The following CDH1 variants were observed in gnomAD, a reference collection of about 807,000 sequenced individuals.
The protein encoded by CDH1 is cadherin 1, also known as cadherin-1.
In CDH1, 35 loss-of-function variants were observed where a neutral mutation model predicts 84.5. The observed-to-expected ratio is 0.41, with a 90% CI of 0.32 to 0.55. The LOEUF is 0.55. CDH1 is among the 20% of genes least tolerant of loss of function. The pLI is 0.19. For synonymous variants in CDH1, 417 were observed against 439.0 expected (o/e 0.95, Z 0.63); for missense variants, 994 against 1,126.6 (o/e 0.88, Z 1.68).
chr16:68,801,584 C>T (rs1220391340), intron 2 of CDH1, 86 bp from the exon 3 acceptor site: 1 of 1,101,932 alleles, frequency 9.1e-7, no homozygotes, highest in East Asian at 2.3e-5. Context: ...TTGTGGGAGT[C>T]TTCCCACAAG....
chr16:68,801,648 C>A (rs957977684), intron 2 of CDH1, 22 bp from the exon 3 acceptor site: 10 of 1,590,150 alleles, frequency 6.3e-6, no homozygotes, highest in Non-Finnish European at 8.6e-6. Context: ...ATTTCCTAAT[C>A]TCTGTGATTT....
At chr16:68,748,353 G>T (rs952289681) in intron 2 of CDH1, among the ~76,000 whole-genome samples, 2 of 151,804 alleles carry the variant, frequency 1.3e-5, no homozygotes, top group Non-Finnish European at 2.9e-5. Flanking sequence ...TGATCTGCCC[G>T]CCTTGACCTC....
intron 2 of CDH1, among the ~76,000 whole-genome samples, chr16:68,797,810 G>T (rs1296627814): frequency 6.6e-6 from 1 of 152,166 alleles, no homozygotes; most frequent in African/African-American, 2.4e-5. Context: ...TGGGCACAGT[G>T]GCTCACACCT....
chr16:68,808,799 G>T lies in CDH1; in HGVS notation c.638G>T (p.Trp213Leu), dbSNP rs1567504890. Residue 213 changes from tryptophan to leucine, a missense_variant, in exon 5 of 16, where the codon TGG becomes TTG. This residue lies in a region of CDH1 where 769 missense variants were observed against 881.8 expected (regional missense o/e 0.87). Coordinates refer to ENST00000261769, the MANE Select transcript of CDH1 (RefSeq NM_004360.5). ...GVFIIERETG[W>L]LKVTEPLDRE... ...TTTATTATTGAAAGAGAAACAGGAT[G>T]GCTGAAGGTGACAGAGCCTCTGGAT... is the stretch of plus-strand genomic sequence containing the variant. The T allele has an allele frequency of 6.2e-7, 1 of 1,614,166 alleles. No individual in the cohort carries two copies. The highest frequency in any genetic ancestry group is 8.5e-7 in the Non-Finnish European group (1 of 1,180,018).
intron 2 of CDH1, among the ~76,000 whole-genome samples, chr16:68,770,593 C>A (rs373080219): frequency 1.3e-5 from 2 of 151,896 alleles, no homozygotes; most frequent in Admixed American, 6.6e-5. Flanking sequence ...AGCAGTGAAA[C>A]GGGGTAGGGA....
intron 2 of CDH1, among the ~76,000 whole-genome samples, chr16:68,753,212 C>CAAAAAA (rs55703202): frequency 1.6e-4 from 11 of 70,072 alleles, no homozygotes; most frequent in East Asian, 8.7e-4. Flanking sequence ...GACTCAGTCT[C>CAAAAAA]AAAAAAAAAA....
Position 68,741,394 on chromosome 16 carries a change from C to T in CDH1, c.163+2983C>T, listed in dbSNP as rs538455348. Among the ~76,000 whole-genome samples, 3 of 152,244 alleles carry T rather than the reference C, an allele frequency of 2.0e-5. No individual in the cohort carries two copies. The East Asian group carries it at 5.8e-4, about 29-fold the overall frequency. On this transcript the variant is annotated intron_variant, in intron 2 of 15. Coordinates refer to ENST00000261769, the MANE Select transcript of CDH1 (RefSeq NM_004360.5). ...GTGGCCTGACTCTCTTTGGACAGTG[C>T]ACGGAAGTGAAGGGATGGATGTAAC...
chr16:68,783,708 G>T (rs1048320491), intron 2 of CDH1, among the ~76,000 whole-genome samples: 1 of 151,338 alleles, frequency 6.6e-6, no homozygotes, highest in Non-Finnish European at 1.5e-5. Context: ...ATAGAGTCTC[G>T]CTCTGTCACC....
At chr16:68,831,500 A>G (rs1961483759) in intron 15 of CDH1, among the ~76,000 whole-genome samples, 1 of 151,630 alleles carries the variant, frequency 6.6e-6, no homozygotes, top group Non-Finnish European at 1.5e-5. Flanking sequence ...AACAGAAAGA[A>G]ACCAGTTTAA....
At chr16:68,754,504 C>A (rs530682832) in intron 2 of CDH1, among the ~76,000 whole-genome samples, 4 of 152,182 alleles carry the variant, frequency 2.6e-5, no homozygotes, top group Non-Finnish European at 5.9e-5. Context: ...GAACTCTTCC[C>A]GTATGCCATC....
intron 2 of CDH1, among the ~76,000 whole-genome samples, chr16:68,752,211 C>T (rs962892789): frequency 9.9e-5 from 15 of 152,192 alleles, no homozygotes; most frequent in Non-Finnish European, 2.1e-4. Context: ...CTTGGCCTCC[C>T]AAAGTGCTGC....
At chr16:68,794,944 G>A (rs957072163) in intron 2 of CDH1, among the ~76,000 whole-genome samples, 8 of 151,374 alleles carry the variant, frequency 5.3e-5, no homozygotes, top group Admixed American at 2.0e-4. Flanking sequence ...CACCCGTCTC[G>A]GCCTCCCATA....
chr16:68,780,237 A>G (rs1044298232), intron 2 of CDH1, among the ~76,000 whole-genome samples: 1 of 152,028 alleles, frequency 6.6e-6, no homozygotes, highest in Non-Finnish European at 1.5e-5. Context: ...TGCCTTTGAC[A>G]TGGCACACCA....
At chr16:68,806,207 A>G (rs934193132) in intron 3 of CDH1, among the ~76,000 whole-genome samples, 2 of 151,340 alleles carry the variant, frequency 1.3e-5, no homozygotes, top group African/African-American at 2.4e-5. Context: ...GCTGGAGTGC[A>G]GTGGCATGAT....
Position 68,774,836 on chromosome 16 carries a change from T to C in CDH1, c.164-26834T>C, listed in dbSNP as rs116194376. Among the ~76,000 whole-genome samples the C allele has an allele frequency of 5.3e-3, 812 of 152,332 alleles. 8 individuals are homozygous for C. The highest frequency in any genetic ancestry group is 0.018 in the African/African-American group (762 of 41,584). Reference sequence around the variant, plus strand: ...TGGTGTGGTTGTTGTCAGTCCATACTGGGTGAATCTCAGTCCTGATTTTAT... The same window carrying C: ...TGGTGTGGTTGTTGTCAGTCCATACCGGGTGAATCTCAGTCCTGATTTTAT... On this transcript the variant is annotated intron_variant, in intron 2 of 15. Transcript: ENST00000261769.
Position 68,833,247 on chromosome 16 carries a change from C to A in CDH1, c.2440-43C>A, listed in dbSNP as rs769047199. On this transcript the variant is annotated intron_variant, in intron 15 of 15. Transcript: ENST00000261769. Reference sequence around the variant, plus strand: ...CTTCTTGCCCCAGATGACAGGTGTGCCCTTCCTTTCACTAAAAGATGCTTT... The same window carrying A: ...CTTCTTGCCCCAGATGACAGGTGTGACCTTCCTTTCACTAAAAGATGCTTT... The A allele has an allele frequency of 2.3e-5, 36 of 1,546,984 alleles. No homozygotes were observed. The South Asian group carries it at 3.5e-4, about 15-fold the overall frequency.
Position 68,822,068 on chromosome 16 carries a change from C to T in CDH1, c.1779C>T (p.Pro593=), listed in dbSNP as rs1596963500. 4 of 1,614,194 alleles carry T rather than the reference C, an allele frequency of 2.5e-6. No homozygotes were observed. The highest frequency in any genetic ancestry group is 2.5e-6 in the Non-Finnish European group (3 of 1,180,034). ...LILSDVNDNA[P]IPEPRTIFFC... is the part of the protein sequence containing the mutation. ...TGTCTGATGTGAATGACAACGCCCC[C>T]ATACCAGAACCTCGAACTATATTCT... The change falls in exon 12 of 16, where the codon CCC becomes CCT. Residue 593 remains proline (P), a synonymous_variant. Transcript: ENST00000261769.
At chr16:68,781,943 A>G (rs953135194) in intron 2 of CDH1, among the ~76,000 whole-genome samples, 3 of 152,124 alleles carry the variant, frequency 2.0e-5, no homozygotes, top group African/African-American at 7.2e-5. Flanking sequence ...ACTCACTGCT[A>G]AGGCCTCAAG....
intron 2 of CDH1, among the ~76,000 whole-genome samples, chr16:68,777,373 A>G (rs1959760120): frequency 6.6e-6 from 1 of 152,156 alleles, no homozygotes; most frequent in Admixed American, 6.5e-5. Flanking sequence ...TACCTAATTC[A>G]TACTATTATT....
Sources: allele counts gnomAD v4.1 joint callset (sites outside exome capture counted in the v4.1 genomes callset), GRCh38; gene constraint gnomAD v4.1.1; regional missense constraint gnomAD v4.1.1; transcripts MANE v1.5; gene names NCBI Gene and HGNC (gene_info 2026-07-23, HGNC 2026-07-21).